Variants in NOS1AP observed in about 807,000 individuals in gnomAD.
NOS1AP encodes carboxyl-terminal PDZ ligand of neuronal nitric oxide synthase protein.
A neutral mutation model predicts 56.2 loss-of-function variants in NOS1AP; 21 were observed. That is an observed-to-expected ratio of 0.37 (90% confidence interval 0.26 to 0.54). NOS1AP has a LOEUF of 0.54. NOS1AP is among the 20% of genes least tolerant of loss of function. The pLI is 0.84. For synonymous variants in NOS1AP, 270 were observed against 274.6 expected, an observed-to-expected ratio of 0.98 and a Z score of 0.17; for missense variants, 522 against 657.8, an observed-to-expected ratio of 0.79 and a Z score of 2.26.
At position 162,225,184 on chromosome 1, in the gene NOS1AP, G is replaced by A. The variant is rs542503793; in HGVS notation, c.178-62160G>A. 2.0e-3 allele frequency among the ~76,000 whole-genome samples: 309 copies of A among 152,336 alleles called. 1 individual carries two copies. Among genetic ancestry groups the A allele is most frequent in the Admixed American group, 3.6e-3 (55 of 15,312 alleles). On this transcript the variant is annotated intron_variant, in intron 2 of 9. Transcript: ENST00000361897. ...CTGAGCAGAGTCCTCCTAGGGTAGGGTTATGAGGTCACTCTCCTTATTACT... is the reference window on the plus strand; with the variant it reads ...CTGAGCAGAGTCCTCCTAGGGTAGGATTATGAGGTCACTCTCCTTATTACT...
intron 2 of NOS1AP, among the ~76,000 whole-genome samples, chr1:162,269,759 C>G (rs1048066673): frequency 6.6e-6 from 1 of 151,714 alleles, no homozygotes; most frequent in Non-Finnish European, 1.5e-5. Flanking sequence ...ACTATAGATA[C>G]CATTTTTTTT....
chr1:162,176,499 A>G (rs567086374), intron 2 of NOS1AP, among the ~76,000 whole-genome samples: 4 of 140,542 alleles, frequency 2.8e-5, no homozygotes, highest in South Asian at 2.2e-4. Context: ...TTGTGGCATA[A>G]TAGCTCTTTT....
intron 1 of NOS1AP, among the ~76,000 whole-genome samples, chr1:162,114,756 C>T (rs1358413309): frequency 1.3e-5 from 2 of 152,130 alleles, no homozygotes; most frequent in South Asian, 2.1e-4. Flanking sequence ...CCTGCAGCAT[C>T]GTGTTCTGTC....
chr1:162,320,144 A>G (rs558720468), intron 4 of NOS1AP, among the ~76,000 whole-genome samples: 1 of 152,254 alleles, frequency 6.6e-6, no homozygotes, highest in South Asian at 2.1e-4. Context: ...TATGGGGCCA[A>G]GGGGGGCGGG....
intron 1 of NOS1AP, among the ~76,000 whole-genome samples, chr1:162,090,892 A>T (rs1421295477): frequency 6.6e-6 from 1 of 151,932 alleles, no homozygotes; most frequent in African/African-American, 2.4e-5. Context: ...ATTTCTAAGG[A>T]TGTTATTTTG....
At chr1:162,118,263 G>A (rs1441997163) in intron 1 of NOS1AP, among the ~76,000 whole-genome samples, 1 of 151,962 alleles carries the variant, frequency 6.6e-6, no homozygotes, top group Non-Finnish European at 1.5e-5. Flanking sequence ...CCACCCTCCC[G>A]CATCTAGTGG....
chr1:162,170,696 G>A lies in NOS1AP; in HGVS notation c.177+16220G>A, dbSNP rs142162802. ...AATCCCAGCACCTTGGGAGGCTGAG[G>A]CATGTAAATCACTTGAGGTCAGAAG... On this transcript the variant is annotated intron_variant, in intron 2 of 9. Transcript: ENST00000361897. Among the ~76,000 whole-genome samples the A allele has an allele frequency of 3.6e-3, 555 of 152,266 alleles. 6 individuals are homozygous for A. Among genetic ancestry groups the A allele is most frequent in the African/African-American group, 0.012 (515 of 41,550 alleles).
intron 3 of NOS1AP, among the ~76,000 whole-genome samples, chr1:162,299,768 GTGTC>G (rs1013812028): frequency 4.6e-5 from 7 of 152,258 alleles, no homozygotes; most frequent in Admixed American, 3.9e-4. Flanking sequence ...GTGTGTGTGT[GTGTC>G]TGTGTGTGCA....
intron 1 of NOS1AP, among the ~76,000 whole-genome samples, chr1:162,119,499 C>CA (rs778623135): frequency 6.6e-6 from 1 of 151,936 alleles, no homozygotes; most frequent in Non-Finnish European, 1.5e-5. Flanking sequence ...CTATAAAAGC[C>CA]AAAAAACAAA....
At position 162,188,107 on chromosome 1, in the gene NOS1AP, A is replaced by G. The variant is rs1164898078; in HGVS notation, c.177+33631A>G. Among the ~76,000 whole-genome samples, 2 of 152,326 alleles carry G rather than the reference A, an allele frequency of 1.3e-5. No homozygotes were observed. The highest frequency in any genetic ancestry group is 2.4e-5 in the African/African-American group (1 of 41,570). On this transcript the variant is annotated intron_variant, in intron 2 of 9. Transcript: ENST00000361897. The surrounding 1 kb of genome is among the most constrained non-coding windows in gnomAD (Gnocchi z 4.0). Reference sequence around the variant, plus strand: ...TTAATTACCCATTGACTGTTTTCCCATCTGCCTAGTAGGGAAAGTGGCTGG... The same window carrying G: ...TTAATTACCCATTGACTGTTTTCCCGTCTGCCTAGTAGGGAAAGTGGCTGG...
intron 2 of NOS1AP, among the ~76,000 whole-genome samples, chr1:162,215,255 G>A (rs917345456): frequency 1.3e-5 from 2 of 152,200 alleles, no homozygotes; most frequent in African/African-American, 4.8e-5. Flanking sequence ...CCAAGGCCCC[G>A]GGGCCGAGTC....
At chr1:162,200,555 T>C (rs904664828) in intron 2 of NOS1AP, among the ~76,000 whole-genome samples, 1 of 152,170 alleles carries the variant, frequency 6.6e-6, no homozygotes, top group Non-Finnish European at 1.5e-5. Flanking sequence ...CAGAGAGCGT[T>C]GAGACTCAGG....
intron 1 of NOS1AP, among the ~76,000 whole-genome samples, chr1:162,075,018 A>ACC (rs1691738821): frequency 1.3e-5 from 2 of 152,174 alleles, no homozygotes; most frequent in Non-Finnish European, 2.9e-5. Context: ...TAGGGAAGAG[A>ACC]CATAAGCCCT....
intron 8 of NOS1AP, chr1:162,360,577 C>A (rs979895354): frequency 6.6e-5 from 23 of 351,110 alleles, no homozygotes; most frequent in African/African-American, 4.9e-4. Context: ...TTCTCCTCTA[C>A]CTGCTGCCAC....
chr1:162,214,424 GAAGT>G (rs994721194), intron 2 of NOS1AP, among the ~76,000 whole-genome samples: 1 of 152,208 alleles, frequency 6.6e-6, no homozygotes, highest in Non-Finnish European at 1.5e-5. Context: ...AGGAAAGGGG[GAAGT>G]GAGTATGCAC....
chr1:162,255,490 A>ATTGTTTTTTTTTTTTTTTTTTTT (rs1653997567), intron 2 of NOS1AP, among the ~76,000 whole-genome samples: 1 of 60,974 alleles, frequency 1.6e-5, no homozygotes. Context: ...GCTGCTGCTG[A>ATTGTTTTTTTTTTTTTTTTTTTT]TTTTTTTTTT....
intron 2 of NOS1AP, among the ~76,000 whole-genome samples, chr1:162,159,571 A>G (rs1413512956): frequency 6.6e-6 from 1 of 152,074 alleles, no homozygotes; most frequent in Non-Finnish European, 1.5e-5. Flanking sequence ...TTCCAGTGCA[A>G]ACATCCCTTC....
chr1:162,146,514 C>T (rs1475930870), intron 1 of NOS1AP, among the ~76,000 whole-genome samples: 1 of 152,092 alleles, frequency 6.6e-6, no homozygotes, highest in Admixed American at 6.5e-5. Flanking sequence ...TATCCAACTC[C>T]CCAGGGTGTC....
chr1:162,294,222 A>AGGAAGGAGGGAG (rs1368335883), intron 3 of NOS1AP, among the ~76,000 whole-genome samples: 1 of 147,732 alleles, frequency 6.8e-6, no homozygotes, highest in Middle Eastern at 3.5e-3. Flanking sequence ...GAAGGAAGGA[A>AGGAAGGAGGGAG]GGAAGAAAGA....
Sources: allele counts gnomAD v4.1 joint callset (sites outside exome capture counted in the v4.1 genomes callset), GRCh38; gene constraint gnomAD v4.1.1; non-coding constraint Gnocchi (gnomAD v3.1); transcripts MANE v1.5; gene names NCBI Gene and HGNC (gene_info 2026-07-23, HGNC 2026-07-21).